Variants in NALF1 observed in about 807,000 individuals in gnomAD.
NALF1 encodes the protein NALCN channel auxiliary factor 1, also known as family with sequence similarity 155 member A.
Under a neutral mutation model 48.4 loss-of-function variants are expected in NALF1, and 3 were observed. That is an observed-to-expected ratio of 0.06 (90% CI 0.03 to 0.16). NALF1 has a LOEUF of 0.16. Among genes scored for constraint, NALF1 ranks in the 10% least tolerant of loss-of-function variants. NALF1 has a pLI of 1.00. For missense variants in NALF1, 526 were observed against 571.5 expected (o/e 0.92, Z 0.81); for synonymous variants, 262 against 245.7 (o/e 1.07, Z -0.62).
At chr13:107,791,783 C>CT (rs980565845) in intron 1 of NALF1, among the ~76,000 whole-genome samples, 2 of 151,454 alleles carry the variant, frequency 1.3e-5, no homozygotes, top group Non-Finnish European at 2.9e-5. Context: ...ATCCCCGCCC[C>CT]CCCCCGTCTC....
intron 1 of NALF1, among the ~76,000 whole-genome samples, chr13:107,468,635 A>T (rs1230486205): frequency 1.3e-5 from 2 of 152,228 alleles, no homozygotes; most frequent in African/African-American, 4.8e-5. Context: ...CGGATATAAA[A>T]TATGTAGTTT....
At chr13:107,385,339 G>T (rs1883509313) in intron 1 of NALF1, among the ~76,000 whole-genome samples, 1 of 152,062 alleles carries the variant, frequency 6.6e-6, no homozygotes, top group African/African-American at 2.4e-5. Context: ...GATCACTTGA[G>T]GTCAGGAGTT....
intron 1 of NALF1, among the ~76,000 whole-genome samples, chr13:107,520,519 A>G (rs1876203066): frequency 6.6e-6 from 1 of 152,256 alleles, no homozygotes; most frequent in Admixed American, 6.5e-5. Flanking sequence ...GAAACATTTC[A>G]TAAGGTAGGA....
chr13:107,841,946 T>C (rs949335828), intron 1 of NALF1, among the ~76,000 whole-genome samples: 1 of 152,056 alleles, frequency 6.6e-6, no homozygotes, highest in African/African-American at 2.4e-5. Flanking sequence ...AGATAAAATA[T>C]TAATGAGTAG....
chr13:107,498,381 G>A (rs981952331), intron 1 of NALF1, among the ~76,000 whole-genome samples: 41 of 152,154 alleles, frequency 2.7e-4, no homozygotes, highest in African/African-American at 9.7e-4. Flanking sequence ...AACAATTTAT[G>A]TTGGGGAAAA....
intron 1 of NALF1, among the ~76,000 whole-genome samples, chr13:107,526,768 A>G (rs1477295098): frequency 1.3e-5 from 2 of 152,172 alleles, no homozygotes; most frequent in Admixed American, 6.6e-5. Flanking sequence ...ATTAAACTTA[A>G]GATACTCAAA....
At chr13:107,235,623 C>A (rs541495415) in intron 1 of NALF1, among the ~76,000 whole-genome samples, 1 of 152,230 alleles carries the variant, frequency 6.6e-6, no homozygotes, top group African/African-American at 2.4e-5. Flanking sequence ...GAGAAAAGTC[C>A]GTACATGTTC....
intron 1 of NALF1, among the ~76,000 whole-genome samples, chr13:107,318,968 T>C (rs998221973): frequency 6.6e-6 from 1 of 152,144 alleles, no homozygotes; most frequent in Non-Finnish European, 1.5e-5. Flanking sequence ...AGACTCATCT[T>C]ACATACATGT....
Position 107,453,472 on chromosome 13 carries a change from T to G in NALF1, c.916-242717A>C, listed in dbSNP as rs553708773. 5.3e-4 allele frequency among the ~76,000 whole-genome samples: 81 copies of G among 152,330 alleles called. No individual in the cohort carries two copies. The Middle Eastern group carries it at 0.014, about 26-fold the overall frequency. Reference sequence around the variant, plus strand: ...TATCTTGGTCCCTTTTAGCCACAGCTGGAGCAGCTAGGACACAGGGCATCA... The same window carrying G: ...TATCTTGGTCCCTTTTAGCCACAGCGGGAGCAGCTAGGACACAGGGCATCA... On this transcript the variant is annotated intron_variant, in intron 1 of 2. Coordinates refer to ENST00000375915, the MANE Select transcript of NALF1 (RefSeq NM_001080396.3).
chr13:107,549,770 A>T (rs1306922618), intron 1 of NALF1, among the ~76,000 whole-genome samples: 1 of 152,110 alleles, frequency 6.6e-6, no homozygotes, highest in African/African-American at 2.4e-5. Flanking sequence ...GAATATTGTT[A>T]AATTTTATTA....
chr13:107,319,633 A>C (rs1882216461), intron 1 of NALF1, among the ~76,000 whole-genome samples: 1 of 152,184 alleles, frequency 6.6e-6, no homozygotes, highest in Admixed American at 6.6e-5. Flanking sequence ...TTAAATGTGC[A>C]TAACAACTAT....
chr13:107,663,225 T>C (rs1566435055), intron 1 of NALF1, among the ~76,000 whole-genome samples: 1 of 152,242 alleles, frequency 6.6e-6, no homozygotes, highest in Non-Finnish European at 1.5e-5. Context: ...AAGGTGGAGA[T>C]AAATTCCAGT....
intron 2 of NALF1, among the ~76,000 whole-genome samples, chr13:107,208,273 T>C (rs890031742): frequency 4.6e-5 from 7 of 152,156 alleles, no homozygotes; most frequent in African/African-American, 1.4e-4. Flanking sequence ...CTCACGGAGA[T>C]GGCACTTTTC....
intron 1 of NALF1, among the ~76,000 whole-genome samples, chr13:107,458,755 C>T (rs1245245646): frequency 1.3e-5 from 2 of 152,148 alleles, no homozygotes; most frequent in African/African-American, 2.4e-5. Context: ...GAGACAATAG[C>T]GAGCCTGGGA....
At chr13:107,215,056 GA>G (rs1229201186) in intron 1 of NALF1, among the ~76,000 whole-genome samples, 1 of 152,060 alleles carries the variant, frequency 6.6e-6, no homozygotes, top group Non-Finnish European at 1.5e-5. Context: ...GGGGTCTCTG[GA>G]GTCACTAAGG....
intron 1 of NALF1, among the ~76,000 whole-genome samples, chr13:107,619,064 G>C (rs1410462769): frequency 2.0e-5 from 3 of 152,164 alleles, no homozygotes; most frequent in Non-Finnish European, 4.4e-5. Flanking sequence ...CACTAGCCAC[G>C]TGTGGCTACC....
At chr13:107,824,146 A>C (rs933130133) in intron 1 of NALF1, among the ~76,000 whole-genome samples, 1 of 152,130 alleles carries the variant, frequency 6.6e-6, no homozygotes, top group African/African-American at 2.4e-5. Flanking sequence ...ACCACATATT[A>C]AAATAAGTGT....
chr13:107,555,627 C>A (rs953994797), intron 1 of NALF1, among the ~76,000 whole-genome samples: 7 of 151,644 alleles, frequency 4.6e-5, no homozygotes, highest in African/African-American at 1.7e-4. Flanking sequence ...ATTTAAAAAA[C>A]AAATGTGGGA....
intron 1 of NALF1, chr13:107,466,243 T>C (rs1165026780): frequency 6.6e-6 from 1 of 152,240 alleles, no homozygotes; most frequent in Admixed American, 6.5e-5. Flanking sequence ...TTGTGGGAGT[T>C]ACAATTCAAG....
Sources: allele counts gnomAD v4.1 joint callset (sites outside exome capture counted in the v4.1 genomes callset), GRCh38; gene constraint gnomAD v4.1.1; transcripts MANE v1.5; gene names NCBI Gene and HGNC (gene_info 2026-07-23, HGNC 2026-07-21).